SREBF2: variants seen among roughly 807,000 people sequenced by gnomAD.
The protein encoded by SREBF2 is sterol regulatory element binding transcription factor 2, also known as sterol regulatory element-binding protein 2.
A neutral mutation model predicts 113.1 loss-of-function variants in SREBF2; 55 were observed. The observed-to-expected ratio is 0.49, with a 90% CI of 0.39 to 0.61. The LOEUF is 0.61. Among genes scored for constraint, SREBF2 ranks in the 20% least tolerant of loss-of-function variants. The pLI is 0.00. For missense variants in SREBF2, 1,349 were observed against 1,487.4 expected, an observed-to-expected ratio of 0.91 and a Z score of 1.53; for synonymous variants, 593 against 605.7, an observed-to-expected ratio of 0.98 and a Z score of 0.31.
chr22:41,867,406 G>A, intron 2 of SREBF2, 126 bp downstream of exon 2: 1 of 1,055,130 alleles, frequency 9.5e-7, no homozygotes. Flanking sequence ...CTGTCTGAAT[G>A]AGGTTCTGGT....
Position 41,833,477 on chromosome 22 carries a change from G to T in SREBF2, c.88+119G>T, listed in dbSNP as rs568195238. The T allele has an allele frequency of 2.7e-4, 212 of 790,324 alleles. No individual in the cohort carries two copies. The African/African-American group carries it at 3.3e-3, about 12-fold the overall frequency. 49.0% of individuals were successfully genotyped at this position (790,324 alleles called of 1,614,324 possible). ...CCCCGGTTCGCGCGGGAAGAACCCC[G>T]TGCGCACGGTGCCCCCGGCGGTCCT... On this transcript the variant is annotated intron_variant, in intron 1 of 18. Coordinates refer to ENST00000361204, the MANE Select transcript of SREBF2 (RefSeq NM_004599.4). This position sits in a 1 kb window ranked among gnomAD's most constrained non-coding sequence, Gnocchi z 4.1.
At chr22:41,859,799 C>CTTTTTTTT (rs1174473976) in intron 1 of SREBF2, among the ~76,000 whole-genome samples, 5 of 54,366 alleles carry the variant, frequency 9.2e-5, no homozygotes, top group Non-Finnish European at 1.0e-4. Flanking sequence ...TATGGTGATT[C>CTTTTTTTT]TTTTTTTTTT....
intron 3 of SREBF2, among the ~76,000 whole-genome samples, chr22:41,869,279 A>G (rs1368240717): frequency 7.1e-6 from 1 of 141,088 alleles, no homozygotes; most frequent in African/African-American, 2.7e-5. Flanking sequence ...TAATTTTTAT[A>G]TTTTTAGTAG....
chr22:41,852,582 G>A (rs2076941417), intron 1 of SREBF2, among the ~76,000 whole-genome samples: 1 of 151,922 alleles, frequency 6.6e-6, no homozygotes, highest in African/African-American at 2.4e-5. Context: ...GAGATGACCT[G>A]TTTCCCAGTT....
chr22:41,853,725 T>A (rs566337630), intron 1 of SREBF2, among the ~76,000 whole-genome samples: 4 of 152,332 alleles, frequency 2.6e-5, no homozygotes, highest in Non-Finnish European at 5.9e-5. Flanking sequence ...GAAACATCCC[T>A]TCTAGTTTCT....
chr22:41,853,103 T>A (rs1486020777), intron 1 of SREBF2, among the ~76,000 whole-genome samples: 1 of 152,212 alleles, frequency 6.6e-6, no homozygotes, highest in Non-Finnish European at 1.5e-5. Context: ...GACAGCAGCC[T>A]CTGCCTCCTC....
At chr22:41,872,978 A>T (rs6002517) in intron 4 of SREBF2, among the ~76,000 whole-genome samples, 3 of 152,122 alleles carry the variant, frequency 2.0e-5, no homozygotes, top group African/African-American at 7.2e-5. Context: ...CGGGTGGATC[A>T]CCTGAGGTCA....
At position 41,833,229 on chromosome 22, in the gene SREBF2, C is replaced by T; in HGVS notation, c.-42C>T. The T allele has an allele frequency of 6.7e-7, 1 of 1,491,360 alleles. No homozygotes were observed. Among genetic ancestry groups the T allele is most frequent in the East Asian group, 2.8e-5 (1 of 36,164 alleles). The allele number at this position is 1,491,360 out of a possible 1,614,324, so 92.4% of individuals were successfully genotyped here. ...GCGACGGCACCGCCCCCGCGTCTCC[C>T]TGAGCGGGACGGCAGGGGGGGCTTC... On this transcript the variant is annotated 5_prime_UTR_variant, in exon 1 of 19. Coordinates refer to ENST00000361204, the MANE Select transcript of SREBF2 (RefSeq NM_004599.4). The surrounding 1 kb of genome is among the most constrained non-coding windows in gnomAD (Gnocchi z 4.1).
rs761509383 is a variant in SREBF2 at position 41,900,345 on chromosome 22, G to A, written c.2754G>A (p.Lys918=). 6.2e-7 allele frequency: 1 copy of A among 1,613,474 alleles called. No individual in the cohort carries two copies. The highest frequency in any genetic ancestry group is 1.7e-5 in the Admixed American group (1 of 60,030). The change falls in exon 16 of 19, where the codon AAG becomes AAA. Residue 918 remains lysine (K), a synonymous_variant. Coordinates refer to ENST00000361204, the MANE Select transcript of SREBF2 (RefSeq NM_004599.4). ...ALEVTESPLV[K]AIFHACRAMH... is the part of the protein sequence containing the mutation. ...ACTGCTGCAGGAGCCCCCTGGTGAA[G>A]GCCATCTTCCATGCCTGCAGAGCCA...
At position 41,898,778 on chromosome 22, in the gene SREBF2, C is replaced by T; in HGVS notation, c.2735C>T (p.Thr912Ile). Residue 912 changes from threonine (T) to isoleucine (I), a missense_variant, in exon 15 of 19, where the codon ACA (threonine) becomes ATA (isoleucine). Thr to Ile is a moderately conservative substitution (Grantham distance 89). Coordinates refer to ENST00000361204, the MANE Select transcript of SREBF2 (RefSeq NM_004599.4). The stretch of plus-strand genomic sequence containing the variant: ...CGCATCCCCAAGGCCCTGGAAGTGA[C>T]AGAGTGCGTAACCCTCCTTGGCCAC... ...VERIPKALEV[T>I]ESPLVKAIFH... 1 of 1,614,026 alleles carries T rather than the reference C, an allele frequency of 6.2e-7. No homozygotes were observed. The highest frequency in any genetic ancestry group is 8.5e-7 in the Non-Finnish European group (1 of 1,179,982).
intron 1 of SREBF2, among the ~76,000 whole-genome samples, chr22:41,836,080 G>T (rs971813256): frequency 6.6e-6 from 1 of 152,258 alleles, no homozygotes; most frequent in Non-Finnish European, 1.5e-5. Flanking sequence ...AGTGGAAGAA[G>T]ATTCCATTTC....
intron 13 of SREBF2, among the ~76,000 whole-genome samples, chr22:41,895,462 T>C (rs1002287585): frequency 7.4e-5 from 8 of 108,026 alleles, no homozygotes; most frequent in Non-Finnish European, 1.3e-4. Context: ...TGAGATGGAG[T>C]TTCGCTCTTG....
At chr22:41,887,398 A>C (rs533503018) in intron 11 of SREBF2, among the ~76,000 whole-genome samples, 23 of 151,988 alleles carry the variant, frequency 1.5e-4, no homozygotes, top group African/African-American at 5.6e-4. Context: ...CCCTTCCCCC[A>C]AGCCTTCCAG....
At chr22:41,900,209 G>A (rs2077453225) in intron 15 of SREBF2, 121 bp from the exon 16 acceptor site, 1 of 1,536,444 alleles carries the variant, frequency 6.5e-7, no homozygotes, top group Non-Finnish European at 8.7e-7. Context: ...GGCAGCATTG[G>A]AGTCAACAGA....
At chr22:41,863,951 C>G (rs1402483491) in intron 1 of SREBF2, among the ~76,000 whole-genome samples, 2 of 151,450 alleles carry the variant, frequency 1.3e-5, no homozygotes, top group African/African-American at 4.9e-5. Context: ...ACGCAGTCAT[C>G]TCGGCTTACT....
At chr22:41,842,945 G>A (rs1206293790) in intron 1 of SREBF2, among the ~76,000 whole-genome samples, 1 of 151,400 alleles carries the variant, frequency 6.6e-6, no homozygotes, top group African/African-American at 2.4e-5. Flanking sequence ...AGCTGAAATC[G>A]CACCACTGTA....
At chr22:41,875,785 C>T in intron 7 of SREBF2, 61 bp downstream of exon 7, 1 of 1,590,016 alleles carries the variant, frequency 6.3e-7, no homozygotes, top group Non-Finnish European at 8.6e-7. Context: ...AAGAAGATAG[C>T]TGGGAGGTCA....
chr22:41,882,696 C>A (rs1046411698), intron 10 of SREBF2, among the ~76,000 whole-genome samples: 2 of 152,190 alleles, frequency 1.3e-5, no homozygotes, highest in African/African-American at 4.8e-5. Context: ...ATCCCAGTTA[C>A]TCGAGAGGCT....
chr22:41,837,858 C>CAAAAAAAAA (rs35054500), intron 1 of SREBF2, among the ~76,000 whole-genome samples: 1 of 102,982 alleles, frequency 9.7e-6, no homozygotes, highest in Non-Finnish European at 1.8e-5. Context: ...GACTCTGTCT[C>CAAAAAAAAA]AAAAAAAAAA....
Sources: gnomAD v4.1 joint callset for allele counts (sites outside exome capture counted in the v4.1 genomes callset) on GRCh38, gnomAD v4.1.1 for gene constraint, Gnocchi (gnomAD v3.1) non-coding constraint, MANE v1.5 for transcripts, NCBI Gene and HGNC (gene_info 2026-07-23, HGNC 2026-07-21) for gene names.